The following UBR2 variants were observed in gnomAD, a reference collection of about 807,000 sequenced individuals.
The protein encoded by UBR2 is E3 ubiquitin-protein ligase UBR2.
In UBR2, 92 loss-of-function variants were observed where a neutral mutation model predicts 247.9. That is an observed-to-expected ratio of 0.37 (90% CI 0.31 to 0.44). The LOEUF is 0.44. UBR2 is among the 20% of genes least tolerant of loss of function. The probability of loss-of-function intolerance (pLI) is 1.00; values close to 1 mark genes in which losing one functional copy is unlikely to be tolerated. For missense variants in UBR2, 1,613 were observed against 2,112.6 expected, an observed-to-expected ratio of 0.76 and a Z score of 4.64; for synonymous variants, 672 against 693.5, an observed-to-expected ratio of 0.97 and a Z score of 0.49.
At chr6:42,565,844 G>A (rs1030097434) in intron 1 of UBR2, among the ~76,000 whole-genome samples, 3 of 152,152 alleles carry the variant, frequency 2.0e-5, no homozygotes, top group Non-Finnish European at 4.4e-5. Context: ...ACAGGCGTGA[G>A]CCACTGCGCC....
intron 44 of UBR2, among the ~76,000 whole-genome samples, chr6:42,687,570 T>G (rs914041021): frequency 6.6e-6 from 1 of 151,598 alleles, no homozygotes; most frequent in African/African-American, 2.4e-5. Context: ...AGACAGGGTC[T>G]CACTCTGTTG....
intron 18 of UBR2, 52 bp from the exon 19 acceptor site, chr6:42,644,160 GCC>G: frequency 6.5e-7 from 1 of 1,547,146 alleles, no homozygotes; most frequent in Middle Eastern, 1.7e-4. Context: ...TTCAATAGTG[GCC>G]CCTTTGACCT....
intron 43 of UBR2, among the ~76,000 whole-genome samples, chr6:42,684,143 T>C (rs1799217722): frequency 1.3e-5 from 2 of 152,296 alleles, no homozygotes; most frequent in Admixed American, 6.5e-5. Context: ...AATCCTCAAC[T>C]AGAAGTATAC....
Position 42,691,458 on chromosome 6 carries a change from A to ACT in UBR2, c.*285_*286insCT, listed in dbSNP as rs1462056617. The ACT allele has an allele frequency of 1.6e-4, 63 of 401,286 alleles. No individual in the cohort carries two copies. Among genetic ancestry groups the ACT allele is most frequent in the Non-Finnish European group, 2.8e-4 (61 of 220,182 alleles). The allele number at this position is 401,286 out of a possible 1,614,324, so 24.9% of individuals were successfully genotyped here. ...CCCCTTTGTGGGGGTCTGACTGCAT[A>ACT]GTCCCAGCCATTATGTGATATTTCA... On this transcript the variant is annotated 3_prime_UTR_variant, in exon 47 of 47. Coordinates refer to ENST00000372901, the MANE Select transcript of UBR2 (RefSeq NM_001363705.2).
intron 2 of UBR2, among the ~76,000 whole-genome samples, chr6:42,589,525 T>C (rs543678322): frequency 6.6e-6 from 1 of 152,348 alleles, no homozygotes; most frequent in African/African-American, 2.4e-5. Flanking sequence ...TAGAATGAGT[T>C]AGGAAGTATT....
rs780681901 is a variant in UBR2 at position 42,641,490 on chromosome 6, G to A, written c.1921-92G>A. 1.6e-4 allele frequency: 131 copies of A among 801,532 alleles called. No individual in the cohort carries two copies. In the South Asian group the frequency reaches 2.0e-3, roughly 12 times the overall value. The allele number at this position is 801,532 out of a possible 1,614,324, so 49.7% of individuals were successfully genotyped here. A position where few individuals can be genotyped will look rare whatever the true frequency, so the allele number is the denominator to read the frequency against. On this transcript the variant is annotated intron_variant, in intron 16 of 46. Transcript: ENST00000372901. ...ATAATTTATATTGTGTTTTATAAAA[G>A]CATTTATCTCTATCGACCAAACTTC...
chr6:42,583,394 T>C (rs1002549718), intron 2 of UBR2, among the ~76,000 whole-genome samples: 1 of 151,654 alleles, frequency 6.6e-6, no homozygotes, highest in Non-Finnish European at 1.5e-5. Context: ...ATTCCAGGCA[T>C]GCACCACCAA....
intron 20 of UBR2, 78 bp from the exon 21 acceptor site, chr6:42,645,388 C>A: frequency 7.6e-7 from 1 of 1,316,078 alleles, no homozygotes; most frequent in Non-Finnish European, 1.1e-6. Context: ...TAACATGCTG[C>A]ATGAATTATA....
chr6:42,582,876 CAG>C (rs761419772), intron 2 of UBR2, among the ~76,000 whole-genome samples: 35 of 151,662 alleles, frequency 2.3e-4, no homozygotes, highest in Middle Eastern at 3.4e-3. Context: ...AAAAAAAAGT[CAG>C]TGCGTTTTGG....
chr6:42,670,695 G>A lies in UBR2; in HGVS notation c.4066G>A (p.Gly1356Ser), dbSNP rs761316370. The A allele has an allele frequency of 6.2e-7, 1 of 1,609,728 alleles. No homozygotes were observed. The highest frequency in any genetic ancestry group is 8.5e-7 in the Non-Finnish European group (1 of 1,178,150). The change falls in exon 36 of 47, where the codon GGT becomes AGT. Residue 1356 changes from glycine to serine, a missense_variant. Gly to Ser is a moderately conservative substitution (Grantham distance 56). Coordinates refer to ENST00000372901, the MANE Select transcript of UBR2 (RefSeq NM_001363705.2). ...ILSDEDKPLF[G>S]PLPCRLDDCL... ...GAGTGATGAAGATAAACCATTGTTTGGTCCTTTACCTTGCAGACTGGTAAG... is the reference window on the plus strand; with the variant it reads ...GAGTGATGAAGATAAACCATTGTTTAGTCCTTTACCTTGCAGACTGGTAAG...
At chr6:42,680,828 G>A (rs1227682154) in intron 42 of UBR2, among the ~76,000 whole-genome samples, 2 of 152,192 alleles carry the variant, frequency 1.3e-5, no homozygotes, top group Non-Finnish European at 2.9e-5. Flanking sequence ...CAGCACTTTG[G>A]GAGGCAGAAG....
chr6:42,629,929 G>A (rs866640884), intron 11 of UBR2, among the ~76,000 whole-genome samples: 5 of 151,966 alleles, frequency 3.3e-5, no homozygotes, highest in South Asian at 2.1e-4. Context: ...GGTTTTTGGG[G>A]TTTTCGTTTG....
chr6:42,635,436 C>G lies in UBR2; in HGVS notation c.1564C>G (p.Arg522Gly), dbSNP rs769886858. The stretch of plus-strand genomic sequence containing the variant: ...CGTTAAGGGAATGGATCCAATTACA[C>G]GTCAAGTAGGACAACATATTGAAAT... ...KCMQGMDPIT[R>G]QVGQHIEMEP... is the part of the protein sequence containing the mutation. The change falls in exon 14 of 47, where the codon CGT (arginine) becomes GGT (glycine). Residue 522 changes from arginine to glycine, a missense_variant. This residue lies in a region of UBR2 where 1,524 missense variants were observed against 1,967.3 expected (regional missense o/e 0.77). Coordinates refer to ENST00000372901, the MANE Select transcript of UBR2 (RefSeq NM_001363705.2). 1.2e-6 allele frequency: 2 copies of G among 1,613,384 alleles called. No individual in the cohort carries two copies. Among genetic ancestry groups the G allele is most frequent in the Non-Finnish European group, 8.5e-7 (1 of 1,179,684 alleles).
At chr6:42,641,838 T>C in intron 17 of UBR2, 146 bp downstream of exon 17, 1 of 562,072 alleles carries the variant, frequency 1.8e-6, no homozygotes, top group Non-Finnish European at 2.9e-6. Context: ...AAAAGTTTCT[T>C]AAAACTTTTA....
At chr6:42,597,536 G>A (rs1477234931) in intron 4 of UBR2, among the ~76,000 whole-genome samples, 1 of 151,594 alleles carries the variant, frequency 6.6e-6, no homozygotes, top group Non-Finnish European at 1.5e-5. Flanking sequence ...GATTGAGGAT[G>A]CAGTGAGCCA....
At chr6:42,633,806 C>T (rs1319053433) in intron 13 of UBR2, among the ~76,000 whole-genome samples, 17 of 152,194 alleles carry the variant, frequency 1.1e-4, no homozygotes, top group Non-Finnish European at 1.5e-5. Flanking sequence ...TCCTGGCTCA[C>T]TGCAACCTCC....
At chr6:42,661,042 C>T (rs573298487) in intron 30 of UBR2, among the ~76,000 whole-genome samples, 1 of 151,248 alleles carries the variant, frequency 6.6e-6, no homozygotes, top group South Asian at 2.1e-4. Context: ...GTCTGTAATC[C>T]CAGCACTCTG....
intron 40 of UBR2, among the ~76,000 whole-genome samples, chr6:42,677,471 A>G (rs16895958): frequency 0.024 from 3,669 of 152,278 alleles, 138 homozygotes; most frequent in African/African-American, 0.084. Flanking sequence ...AAAAAAACAT[A>G]TAGGCATATA....
In UBR2 at chr6:42,644,244, T is replaced by A. The variant is rs1292753655; in HGVS notation, c.2128T>A (p.Phe710Ile). ...TGTCTCCATGATGGATCCAAATCAT[T>A]TCCTGATGATCATGCTCAGCCGCTT... ...TGVSMMDPNH[F>I]LMIMLSRFEL... is the part of the protein sequence containing the mutation. The change falls in exon 19 of 47, where the codon TTC becomes ATC. Residue 710 changes from phenylalanine to isoleucine, a missense_variant. Coordinates refer to ENST00000372901, the MANE Select transcript of UBR2 (RefSeq NM_001363705.2). 3.1e-6 allele frequency: 5 copies of A among 1,612,206 alleles called. No homozygotes were observed. In the African/African-American group the frequency reaches 5.3e-5, roughly 17 times the overall value.
Sources: gnomAD v4.1 joint callset for allele counts (sites outside exome capture counted in the v4.1 genomes callset) on GRCh38, gnomAD v4.1.1 for gene constraint, gnomAD v4.1.1 regional missense constraint, MANE v1.5 for transcripts, NCBI Gene and HGNC (gene_info 2026-07-23, HGNC 2026-07-21) for gene names.